Variants in RGL3 observed in about 807,000 individuals in gnomAD.
RGL3 encodes ral guanine nucleotide dissociation stimulator like 3.
RGL3 carries 85 observed loss-of-function variants against 90.6 expected under a neutral mutation model. That is an observed-to-expected ratio of 0.94 (90% CI 0.79 to 1.12). The LOEUF (loss-of-function observed/expected upper bound fraction) is 1.12. RGL3 is among the 50% of genes most tolerant of loss of function. The pLI, the probability that RGL3 is intolerant of heterozygous loss-of-function variation, is 0.00. For synonymous variants in RGL3, 408 were observed against 385.5 expected (o/e 1.06, Z -0.68); for missense variants, 1,034 against 939.2 (o/e 1.10, Z -1.32).
At chr19:11,406,683 C>A in intron 6 of RGL3, 39 bp downstream of exon 6, 1 of 1,609,222 alleles carries the variant, frequency 6.2e-7, no homozygotes, top group Non-Finnish European at 8.5e-7. Context: ...AACCTGTCCC[C>A]TCACTGTGGC....
At chr19:11,405,466 TC>T in intron 7 of RGL3, 40 bp from the exon 8 acceptor site, 2 of 899,660 alleles carry the variant, frequency 2.2e-6, no homozygotes, top group Non-Finnish European at 1.6e-6. Flanking sequence ...CCAGGCATTA[TC>T]CACCTTTCAT....
chr19:11,396,160 T>TA (rs1568334151), intron 18 of RGL3, among the ~76,000 whole-genome samples: 28 of 27,242 alleles, frequency 1.0e-3, no homozygotes, highest in Middle Eastern at 0.014. Context: ...ATATATATAT[T>TA]TTTTTTTTTT....
chr19:11,402,729 C>G, intron 9 of RGL3, 23 bp from the exon 10 acceptor site: 1 of 1,609,672 alleles, frequency 6.2e-7, no homozygotes, highest in South Asian at 1.1e-5. Flanking sequence ...AAAAACTGAG[C>G]CAGGTCTGGG....
intron 16 of RGL3, 44 bp downstream of exon 16, chr19:11,399,811 T>C (rs1968639632): frequency 9.0e-7 from 1 of 1,107,434 alleles, no homozygotes; most frequent in Non-Finnish European, 1.3e-6. Flanking sequence ...ACACAGAGCC[T>C]GGGTGCCCGC....
intron 5 of RGL3, among the ~76,000 whole-genome samples, chr19:11,414,511 A>ACACCT (rs1568342040): frequency 8.6e-6 from 1 of 116,506 alleles, no homozygotes; most frequent in Admixed American, 1.0e-4. Context: ...ATATATATAT[A>ACACCT]TATATATATA....
chr19:11,402,443 CA>C lies in RGL3; in HGVS notation c.1329+11del, dbSNP rs1290230649. The C allele has an allele frequency of 1.3e-6, 2 of 1,596,736 alleles. No homozygotes were observed. The highest frequency in any genetic ancestry group is 1.7e-6 in the Non-Finnish European group (2 of 1,172,268). On this transcript the variant is annotated intron_variant, in intron 11 of 18. Coordinates refer to ENST00000380456, the MANE Select transcript of RGL3 (RefSeq NM_001035223.4). The stretch of plus-strand genomic sequence containing the variant: ...GGAGCTGGGGTCAGGGGTCAAGGGT[CA>C]GGGGTCAGACCTCCAACATATCCGG...
At chr19:11,418,987 G>T in intron 1 of RGL3, 1 of 615,774 alleles carries the variant, frequency 1.6e-6, no homozygotes, top group Non-Finnish European at 2.8e-6. Flanking sequence ...AGGACATGGG[G>T]TGGCATTTGG....
In RGL3 at chr19:11,394,371, A is replaced by AGGACAAG. The variant is rs751671262; in HGVS notation, c.*30_*31insCTTGTCC. 4.1e-5 allele frequency: 63 copies of AGGACAAG among 1,533,714 alleles called. No homozygotes were observed. Among genetic ancestry groups the AGGACAAG allele is most frequent in the Non-Finnish European group, 5.4e-5 (60 of 1,106,948 alleles). On this transcript the variant is annotated 3_prime_UTR_variant, in exon 19 of 19. Coordinates refer to ENST00000380456, the MANE Select transcript of RGL3 (RefSeq NM_001035223.4). ...GAAGAGTCGCAAGCTTGCCTGTGGG[A>AGGACAAG]CTTGTGTCTTGTGGAGAGGACAGGG...
At chr19:11,394,793 A>C in intron 18 of RGL3, 1 of 364,836 alleles carries the variant, frequency 2.7e-6, no homozygotes. Flanking sequence ...CCTGCAGTAA[A>C]AGTTTGAGCA....
At chr19:11,398,757 G>A (rs1016187525) in intron 16 of RGL3, among the ~76,000 whole-genome samples, 2 of 151,682 alleles carry the variant, frequency 1.3e-5, no homozygotes, top group African/African-American at 2.4e-5. Flanking sequence ...TGCAACCTCC[G>A]TCTCCTGGGT....
At chr19:11,419,190 T>C in intron 1 of RGL3, 56 bp downstream of exon 1, 1 of 1,571,250 alleles carries the variant, frequency 6.4e-7, no homozygotes. Flanking sequence ...CGCTTGGAGT[T>C]TCTGGACCTG....
At chr19:11,404,261 C>A (rs1968730266) in intron 9 of RGL3, among the ~76,000 whole-genome samples, 1 of 152,198 alleles carries the variant, frequency 6.6e-6, no homozygotes, top group South Asian at 2.1e-4. Flanking sequence ...GGAGTGATGG[C>A]TCACGCCTGT....
chr19:11,408,584 C>CAA (rs369314749), intron 5 of RGL3, among the ~76,000 whole-genome samples: 26 of 121,546 alleles, frequency 2.1e-4, no homozygotes, highest in South Asian at 1.0e-3. Flanking sequence ...GACTCCATCT[C>CAA]AAAAAAAAAA....
intron 5 of RGL3, chr19:11,408,757 G>T (rs532174792): frequency 6.6e-6 from 1 of 152,276 alleles, no homozygotes; most frequent in South Asian, 2.1e-4. Context: ...TTGTGTCTTT[G>T]AAAAACCTGT....
intron 16 of RGL3, 158 bp from the exon 17 acceptor site, chr19:11,397,755 T>A: frequency 1.3e-6 from 1 of 749,670 alleles, no homozygotes; most frequent in Non-Finnish European, 2.0e-6. Context: ...ATGCCTGTAA[T>A]CTCAGCATTT....
At chr19:11,410,685 T>TC (rs1205299029) in intron 5 of RGL3, among the ~76,000 whole-genome samples, 3 of 147,682 alleles carry the variant, frequency 2.0e-5, no homozygotes, top group African/African-American at 7.5e-5. Context: ...CTGTCTCTCC[T>TC]CCCCCCACCC....
rs749525592 is a variant in RGL3 at position 11,416,130 on chromosome 19, C to T, written c.444G>A (p.Leu148=). The change falls in exon 5 of 19, where the codon CTG becomes CTA. Residue 148 remains leucine (L), a synonymous_variant. Coordinates refer to ENST00000380456, the MANE Select transcript of RGL3 (RefSeq NM_001035223.4). ...NKNLRAVVSV[L]GSWLQDHPQD... is the part of the protein sequence containing the mutation. ...GAGGGTGGTCCTGCAGCCAGGAGCC[C>T]AGCACTGACACCACAGCCCTGGCCA... 11 of 1,578,912 alleles carry T rather than the reference C, an allele frequency of 7.0e-6. No homozygotes were observed. The African/African-American group carries it at 8.2e-5, about 12-fold the overall frequency.
At chr19:11,419,158 C>G (rs1969060619) in intron 1 of RGL3, 88 bp downstream of exon 1, 1 of 1,424,380 alleles carries the variant, frequency 7.0e-7, no homozygotes, top group Non-Finnish European at 9.7e-7. Flanking sequence ...AGATTGGGAG[C>G]AGATACCGTC....
At chr19:11,407,688 CTTT>C (rs773809188) in intron 5 of RGL3, among the ~76,000 whole-genome samples, 2 of 137,896 alleles carry the variant, frequency 1.5e-5, no homozygotes, top group Non-Finnish European at 3.2e-5. Context: ...CTCTCTGTGC[CTTT>C]TTTTTTTTTT....
Sources: gnomAD v4.1 joint callset for allele counts (sites outside exome capture counted in the v4.1 genomes callset) on GRCh38, gnomAD v4.1.1 for gene constraint, MANE v1.5 for transcripts, NCBI Gene and HGNC (gene_info 2026-07-23, HGNC 2026-07-21) for gene names.